DMRTC2: variants seen among roughly 807,000 people sequenced by gnomAD.
DMRTC2 encodes the protein DMRT like family C2, also known as doublesex- and mab-3-related transcription factor C2.
Under a neutral mutation model 39.9 loss-of-function variants are expected in DMRTC2, and 13 were observed. The ratio of observed to expected loss-of-function variants is 0.33; its 90% CI spans 0.21 to 0.52. DMRTC2 has a LOEUF of 0.52. Among genes scored for constraint, DMRTC2 ranks in the 20% least tolerant of loss-of-function variants. DMRTC2 has a pLI of 0.96. For missense variants in DMRTC2, 431 were observed against 472.8 expected, an observed-to-expected ratio of 0.91 and a Z score of 0.82; for synonymous variants, 189 against 185.2, an observed-to-expected ratio of 1.02 and a Z score of -0.17.
intron 8 of DMRTC2, chr19:41,851,063 G>C (rs573648246): frequency 7.6e-6 from 2 of 262,436 alleles, no homozygotes; most frequent in Non-Finnish European, 1.4e-5. Context: ...TCTGATAAGT[G>C]CCTTCAAGGA....
At chr19:41,850,288 G>A in intron 6 of DMRTC2, 24 bp from the exon 7 acceptor site, 1 of 1,480,476 alleles carries the variant, frequency 6.8e-7, no homozygotes, top group Non-Finnish European at 9.0e-7. Flanking sequence ...TAACCACCCT[G>A]GCATCTTCTC....
intron 1 of DMRTC2, among the ~76,000 whole-genome samples, chr19:41,846,194 G>A (rs1242710470): frequency 6.6e-5 from 10 of 152,098 alleles, no homozygotes; most frequent in African/African-American, 2.4e-4. Flanking sequence ...AATTGAAAGG[G>A]GCATAAAACT....
chr19:41,848,904 T>C lies in DMRTC2; in HGVS notation c.557T>C (p.Phe186Ser). Reference protein sequence around the residue: ...WVPGHWLPPGFSMPPPVVCRL... With the variant: ...WVPGHWLPPGSSMPPPVVCRL... ...CCTGGACACTGGCTGCCTCCAGGCT[T>C]CTCCATGCCACCACCAGTGGTGTGC... Residue 186 changes from phenylalanine to serine, a missense_variant, in exon 5 of 9, where the codon TTC (phenylalanine) becomes TCC (serine). By Grantham distance (155) the Phe-to-Ser change is radical. Transcript: ENST00000269945. The C allele has an allele frequency of 1.5e-5, 24 of 1,613,716 alleles. No individual in the cohort carries two copies. The highest frequency in any genetic ancestry group is 2.0e-5 in the Non-Finnish European group (24 of 1,180,028).
intron 8 of DMRTC2, chr19:41,850,903 A>C: frequency 2.0e-6 from 1 of 504,458 alleles, no homozygotes. Context: ...CTCGACAGCA[A>C]ATTTCTTGAT....
At chr19:41,849,283 C>T in intron 6 of DMRTC2, 27 bp downstream of exon 6, 1 of 1,612,592 alleles carries the variant, frequency 6.2e-7, no homozygotes, top group Non-Finnish European at 8.5e-7. Context: ...GGATGTGTAT[C>T]ATAAGCCTAA....
chr19:41,848,805 G>T lies in DMRTC2; in HGVS notation c.458G>T (p.Gly153Val). 1 of 1,608,420 alleles carries T rather than the reference G, an allele frequency of 6.2e-7. No homozygotes were observed. The highest frequency in any genetic ancestry group is 8.5e-7 in the Non-Finnish European group (1 of 1,179,988). The change falls in exon 5 of 9, where the codon GGG (glycine) becomes GTG (valine). Residue 153 changes from glycine to valine, a missense_variant. Transcript: ENST00000269945. ...CCTCTGCCCCTGCAGAACTCCTGTG[G>T]GCCTCTGCTGCTCAGCCATCCCCCG... ...APTPPGKNSC[G>V]PLLLSHPPEA...
rs139845709 is a variant in DMRTC2 at position 41,847,584 on chromosome 19, C to G, written c.156C>G (p.Ala52=). The change falls in exon 2 of 9, where the codon GCC becomes GCG. Residue 52 remains alanine (A), a synonymous_variant. Transcript: ENST00000269945. ...CARCRNHGVT[A]HLKGHKRLCL... ...GCTGCCGCAACCATGGTGTCACCGC[C>G]CATCTCAAGGGCCACAAGCGCCTCT... 5.6e-6 allele frequency: 9 copies of G among 1,614,110 alleles called. No homozygotes were observed. The highest frequency in any genetic ancestry group is 1.3e-5 in the African/African-American group (1 of 74,940).
At position 41,848,604 on chromosome 19, in the gene DMRTC2, C is replaced by T. The variant is rs1489112370; in HGVS notation, c.447+76C>T. ...CAGACCCTTTCTTCTGTGCCCTCAA[C>T]ACCTGGGTTCTAGCCCCAGCCCTGG... On this transcript the variant is annotated intron_variant, in intron 4 of 8. Transcript: ENST00000269945. The T allele has an allele frequency of 3.7e-6, 5 of 1,362,362 alleles. No individual in the cohort carries two copies. The African/African-American group carries it at 5.8e-5, about 16-fold the overall frequency. 84.4% of individuals were successfully genotyped at this position (1,362,362 alleles called of 1,614,324 possible).
rs2073958522 is a variant in DMRTC2 at position 41,851,631 on chromosome 19, C to A, written c.1039C>A (p.Pro347Thr). Residue 347 changes from proline (P) to threonine (T), a missense_variant, in exon 9 of 9, where the codon CCC becomes ACC. By Grantham distance (38) the Pro-to-Thr change is conservative (BLOSUM62 -1). Transcript: ENST00000269945. ...CCAGCCTGTTGGCCCCTGTCTTCGA[C>A]CCAGCCCAGCCCCCTCTGTTGCTCT... ...GFQPVGPCLR[P>T]SPAPSVALHI... The A allele has an allele frequency of 1.2e-6, 2 of 1,614,086 alleles. No individual in the cohort carries two copies. The highest frequency in any genetic ancestry group is 1.7e-6 in the Non-Finnish European group (2 of 1,180,040).
intron 3 of DMRTC2, among the ~76,000 whole-genome samples, chr19:41,848,153 C>G (rs1264501039): frequency 6.6e-6 from 1 of 152,170 alleles, no homozygotes; most frequent in Non-Finnish European, 1.5e-5. Flanking sequence ...CGAGACCATC[C>G]TGGCCAACAT....
At chr19:41,851,284 G>T in intron 8 of DMRTC2, 1 of 327,576 alleles carries the variant, frequency 3.1e-6, no homozygotes, top group Non-Finnish European at 5.6e-6. Context: ...TCTGATGGTG[G>T]AGATCTGGCA....
chr19:41,851,521 G>A (rs1436118970), intron 8 of DMRTC2, 63 bp from the exon 9 acceptor site: 2 of 1,385,118 alleles, frequency 1.4e-6, no homozygotes, highest in South Asian at 1.2e-5. Context: ...TCGGTAAAAA[G>A]AGGGGGTTGC....
At chr19:41,846,872 A>AT (rs1285699091) in intron 1 of DMRTC2, among the ~76,000 whole-genome samples, 2 of 120,146 alleles carry the variant, frequency 1.7e-5, no homozygotes, top group Non-Finnish European at 3.9e-5. Flanking sequence ...CGGCCTAAAA[A>AT]TTTTTAAATT....
chr19:41,845,701 C>A (rs1317151846), intron 1 of DMRTC2, among the ~76,000 whole-genome samples: 1 of 152,164 alleles, frequency 6.6e-6, no homozygotes, highest in African/African-American at 2.4e-5. Context: ...GTGGCACAGG[C>A]CTGTAATCCC....
rs1568778964 is a variant in DMRTC2, at chr19:41,848,496, G to A, written c.415G>A (p.Ala139Thr). 8.1e-6 allele frequency: 13 copies of A among 1,603,996 alleles called. No individual in the cohort carries two copies. The highest frequency in any genetic ancestry group is 1.1e-5 in the Non-Finnish European group (13 of 1,175,290). Residue 139 changes from alanine to threonine, a missense_variant, in exon 4 of 9, where the codon GCA (alanine) becomes ACA (threonine). Ala to Thr is a moderately conservative substitution (Grantham distance 58). Coordinates refer to ENST00000269945, the MANE Select transcript of DMRTC2 (RefSeq NM_001040283.3). ...IAPQPQTPHG[A>T]VLLAPTPPGK... ...ACCCCAGCCTCAGACCCCCCATGGGGCAGTCCTGCTGGCACCGACACCCCC... is the reference window on the plus strand; with the variant it reads ...ACCCCAGCCTCAGACCCCCCATGGGACAGTCCTGCTGGCACCGACACCCCC...
chr19:41,847,349 G>T, intron 1 of DMRTC2, 76 bp from the exon 2 acceptor site: 1 of 1,483,372 alleles, frequency 6.7e-7, no homozygotes, highest in Non-Finnish European at 8.9e-7. Flanking sequence ...GAGACCTGCA[G>T]GTGTGGTCTC....
chr19:41,849,776 GT>G (rs2073927413), intron 6 of DMRTC2, among the ~76,000 whole-genome samples: 1 of 152,120 alleles, frequency 6.6e-6, no homozygotes, highest in Non-Finnish European at 1.5e-5. Flanking sequence ...TCTTCTAGGT[GT>G]TTTTTTAAAA....
Position 41,852,307 on chromosome 19 carries a change from A to C in DMRTC2, c.*611A>C, listed in dbSNP as rs2073966201. On this transcript the variant is annotated 3_prime_UTR_variant, in exon 9 of 9. Coordinates refer to ENST00000269945, the MANE Select transcript of DMRTC2 (RefSeq NM_001040283.3). ...AACTTGGATTTTTTTCTTTGTCCAA[A>C]TAAAAAAAAATGATGTAAAGAAATA... 1 of 152,232 alleles carries C rather than the reference A, an allele frequency of 6.6e-6. No homozygotes were observed. Among genetic ancestry groups the C allele is most frequent in the Non-Finnish European group, 1.5e-5 (1 of 68,076 alleles). The allele number at this position is 152,232 out of a possible 1,614,324, so 9.4% of individuals were successfully genotyped here.
intron 8 of DMRTC2, 196 bp from the exon 9 acceptor site, chr19:41,851,388 C>T (rs960864010): frequency 1.0e-5 from 6 of 572,836 alleles, no homozygotes; most frequent in Non-Finnish European, 1.9e-5. Context: ...AGACCCTGAG[C>T]TTTAGAAAGA....
Sources: gnomAD v4.1 joint callset for allele counts (sites outside exome capture counted in the v4.1 genomes callset) on GRCh38, gnomAD v4.1.1 for gene constraint, MANE v1.5 for transcripts, NCBI Gene and HGNC (gene_info 2026-07-23, HGNC 2026-07-21) for gene names.